Variants in ABCD3 observed in about 807,000 individuals in gnomAD.
The protein encoded by ABCD3 is ATP binding cassette subfamily D member 3, also known as ATP-binding cassette sub-family D member 3.
A neutral mutation model predicts 105.5 loss-of-function variants in ABCD3; 41 were observed. That is an observed-to-expected ratio of 0.39 (90% CI 0.30 to 0.50). The LOEUF (loss-of-function observed/expected upper bound fraction) is 0.50, where lower values mean the gene tolerates loss of function less well. Among genes scored for constraint, ABCD3 ranks in the 20% least tolerant of loss-of-function variants. The pLI, the probability that ABCD3 is intolerant of heterozygous loss-of-function variation, is 0.84. For synonymous variants in ABCD3, 258 were observed against 269.0 expected, an observed-to-expected ratio of 0.96 and a Z score of 0.40; for missense variants, 622 against 806.3, an observed-to-expected ratio of 0.77 and a Z score of 2.77.
chr1:94,443,516 A>T (rs1031931179), intron 1 of ABCD3, among the ~76,000 whole-genome samples: 1 of 152,220 alleles, frequency 6.6e-6, no homozygotes. Flanking sequence ...GGACTTGGTC[A>T]TAAATTCTTT....
the ABCD3 span, among the ~76,000 whole-genome samples, chr1:94,387,445 C>T: frequency 2.0e-5 from 3 of 152,268 alleles, no homozygotes; most frequent in East Asian, 3.9e-4. Context: ...CAACCTTGCT[C>T]TCTCCTCTCT....
intron 8 of ABCD3, among the ~76,000 whole-genome samples, chr1:94,479,011 T>C (rs901564870): frequency 6.6e-6 from 1 of 152,220 alleles, no homozygotes; most frequent in Admixed American, 6.5e-5. Flanking sequence ...AACACAGCCA[T>C]ATAATAGTAT....
At chr1:94,450,430 C>T (rs7532232) in intron 1 of ABCD3, among the ~76,000 whole-genome samples, 248 of 152,296 alleles carry the variant, frequency 1.6e-3, no homozygotes, top group Non-Finnish European at 2.0e-3. Flanking sequence ...GTGGGTTTAC[C>T]GGAATGAGGG....
intron 1 of ABCD3, among the ~76,000 whole-genome samples, chr1:94,433,896 A>G (rs183091143): frequency 4.6e-5 from 7 of 150,612 alleles, no homozygotes; most frequent in East Asian, 2.0e-4. Flanking sequence ...TGATCTGCCC[A>G]CTTTGGCCTC....
chr1:94,386,080 AAT>A, the ABCD3 span, among the ~76,000 whole-genome samples: 2,658 of 151,226 alleles, frequency 0.018, 81 homozygotes, highest in African/African-American at 0.061. Context: ...TCTTTCTCTC[AAT>A]ATGTTTTATA....
chr1:94,477,531 T>C (rs1372096606), intron 7 of ABCD3, among the ~76,000 whole-genome samples: 1 of 151,922 alleles, frequency 6.6e-6, no homozygotes, highest in African/African-American at 2.4e-5. Context: ...GAGGCTGCAG[T>C]GAGCCAAGAT....
At chr1:94,394,655 G>C in the ABCD3 span, among the ~76,000 whole-genome samples, 1 of 152,162 alleles carries the variant, frequency 6.6e-6, no homozygotes, top group African/African-American at 2.4e-5. Flanking sequence ...AATGTTCAGG[G>C]GACATGAGGA....
chr1:94,440,001 T>G (rs1165343706), intron 1 of ABCD3, among the ~76,000 whole-genome samples: 2 of 152,202 alleles, frequency 1.3e-5, no homozygotes, highest in Admixed American at 6.5e-5. Context: ...CCCAAGTAGC[T>G]GGGATTGCAG....
intron 1 of ABCD3, among the ~76,000 whole-genome samples, chr1:94,421,562 ATG>A (rs3073023): frequency 0.011 from 1,667 of 148,964 alleles, 27 homozygotes; most frequent in African/African-American, 0.038. Context: ...GAGCTATAAG[ATG>A]TGTGTGTGTG....
intron 8 of ABCD3, 49 bp downstream of exon 8, chr1:94,478,364 G>A: frequency 7.1e-7 from 1 of 1,409,656 alleles, no homozygotes; most frequent in Non-Finnish European, 1.0e-6. Flanking sequence ...TATAATATTT[G>A]AAATACATAT....
In ABCD3 at chr1:94,512,712, T is replaced by C. The variant is rs564580054; in HGVS notation, c.1846-2434T>C. 6.6e-5 allele frequency among the ~76,000 whole-genome samples: 10 copies of C among 152,242 alleles called. No individual in the cohort carries two copies. The South Asian group carries it at 1.7e-3, about 25-fold the overall frequency. ...AGGCTATCTTTATTGGTTCCATTCTTTAAGTAATTATTCAATAGTATCAGT... is the reference window on the plus strand; with the variant it reads ...AGGCTATCTTTATTGGTTCCATTCTCTAAGTAATTATTCAATAGTATCAGT... On this transcript the variant is annotated intron_variant, in intron 21 of 22. Transcript: ENST00000370214.
chr1:94,414,620 G>A (rs190334945), upstream of ABCD3, among the ~76,000 whole-genome samples: 5 of 152,140 alleles, frequency 3.3e-5, no homozygotes, highest in Admixed American at 2.6e-4. Flanking sequence ...ATCCTACCCG[G>A]TTGGATTGGT....
chr1:94,507,141 T>G (rs28464406), intron 21 of ABCD3, among the ~76,000 whole-genome samples: 57,117 of 144,280 alleles, frequency 0.4, 11,734 homozygotes, highest in Middle Eastern at 0.56. Context: ...CCCTCCCCCC[T>G]TCCCCCACCC....
chr1:94,442,564 C>T (rs1314581497), intron 1 of ABCD3, among the ~76,000 whole-genome samples: 2 of 151,956 alleles, frequency 1.3e-5, no homozygotes, highest in Non-Finnish European at 2.9e-5. Flanking sequence ...TTTAGTGTAC[C>T]CATCACCTGA....
rs116300217 is a variant in ABCD3, at chr1:94,428,269, G to A, written c.110+9681G>A. ...TTGATATCTGTAAATAGATGTAGCC[G>A]TCTCACCACTATAATGGTACTATAA... On this transcript the variant is annotated intron_variant, in intron 1 of 22. Coordinates refer to ENST00000370214, the MANE Select transcript of ABCD3 (RefSeq NM_002858.4). Among the ~76,000 whole-genome samples, 259 of 152,114 alleles carry A rather than the reference G, an allele frequency of 1.7e-3. 1 individual carries two copies. The highest frequency in any genetic ancestry group is 2.7e-3 in the Non-Finnish European group (184 of 67,994).
intron 1 of ABCD3, among the ~76,000 whole-genome samples, chr1:94,456,865 A>G (rs1647597811): frequency 6.6e-6 from 1 of 152,080 alleles, no homozygotes; most frequent in Non-Finnish European, 1.5e-5. Flanking sequence ...ATTCTTCTCA[A>G]CCAACAATGT....
chr1:94,490,103 T>A, intron 15 of ABCD3, 128 bp downstream of exon 15: 1 of 807,848 alleles, frequency 1.2e-6, no homozygotes, highest in Non-Finnish European at 2.0e-6. Flanking sequence ...AGCTTAGAGG[T>A]ATCATTGACC....
At position 94,434,976 on chromosome 1, in the gene ABCD3, GT is replaced by G. The variant is rs796955039; in HGVS notation, c.110+16398del. On this transcript the variant is annotated intron_variant, in intron 1 of 22. Coordinates refer to ENST00000370214, the MANE Select transcript of ABCD3 (RefSeq NM_002858.4). ...AAACTATAATTTAGTTGTGTTTGTG[GT>G]TTTTTTTTTATCTATGTCTCTTAAC... 1.4e-3 allele frequency among the ~76,000 whole-genome samples: 205 copies of G among 148,662 alleles called. 3 individuals carry two copies. Among genetic ancestry groups the G allele is most frequent in the Admixed American group, 1.9e-3 (29 of 14,880 alleles).
chr1:94,469,395 A>G (rs1209592333), intron 4 of ABCD3, among the ~76,000 whole-genome samples: 1 of 151,766 alleles, frequency 6.6e-6, no homozygotes, highest in African/African-American at 2.4e-5. Context: ...ACTATTGCTT[A>G]CAGCTGAGCC....
Sources: allele counts gnomAD v4.1 joint callset (sites outside exome capture counted in the v4.1 genomes callset), GRCh38; gene constraint gnomAD v4.1.1; transcripts MANE v1.5; gene names NCBI Gene and HGNC (gene_info 2026-07-23, HGNC 2026-07-21).